Variants in ENTREP2 observed in about 807,000 individuals in gnomAD.
ENTREP2 encodes the protein endosomal transmembrane epsin interactor 2.
At chr15:29,395,787 G>A in the ENTREP2 span, among the ~76,000 whole-genome samples, 1 of 151,940 alleles carries the variant, frequency 6.6e-6, no homozygotes, top group African/African-American at 2.4e-5. Context: ...TCCTGCCTGG[G>A]CCTCGAAAAG....
chr15:29,536,603 C>CAAAA, the ENTREP2 span, among the ~76,000 whole-genome samples: 1 of 74,184 alleles, frequency 1.3e-5, no homozygotes, highest in Non-Finnish European at 2.9e-5. Flanking sequence ...GACTCTGTCT[C>CAAAA]AAAAAAAAAA....
chr15:29,550,180 A>G, the ENTREP2 span, among the ~76,000 whole-genome samples: 1 of 152,196 alleles, frequency 6.6e-6, no homozygotes, highest in Non-Finnish European at 1.5e-5. Context: ...AAAAGGCACA[A>G]GGTTCTTTAC....
At chr15:29,634,653 C>T in the ENTREP2 span, among the ~76,000 whole-genome samples, 1 of 152,188 alleles carries the variant, frequency 6.6e-6, no homozygotes, top group Non-Finnish European at 1.5e-5. Flanking sequence ...GGGCTCTGTG[C>T]CCAAGACTAC....
the ENTREP2 span, among the ~76,000 whole-genome samples, chr15:29,606,646 C>G: frequency 2.0e-5 from 3 of 151,952 alleles, no homozygotes; most frequent in Non-Finnish European, 4.4e-5. Flanking sequence ...TCAAAAAATC[C>G]TGGTAATAGT....
the ENTREP2 span, among the ~76,000 whole-genome samples, chr15:29,635,848 A>G: frequency 8.6e-4 from 131 of 152,304 alleles, 1 homozygote; most frequent in African/African-American, 2.9e-3. Context: ...TGAGGCAAGG[A>G]AAAGATTTGT....
the ENTREP2 span, among the ~76,000 whole-genome samples, chr15:29,532,526 C>T: frequency 2.0e-5 from 3 of 152,306 alleles, no homozygotes; most frequent in South Asian, 6.2e-4. Context: ...GCTGTTCTAG[C>T]ACCTACCAAG....
the ENTREP2 span, among the ~76,000 whole-genome samples, chr15:29,400,430 T>C: frequency 1.3e-5 from 2 of 152,204 alleles, no homozygotes; most frequent in African/African-American, 4.8e-5. Context: ...GGAGGGAAAT[T>C]CATTTTTTAA....
At chr15:29,217,735 C>T in the ENTREP2 span, among the ~76,000 whole-genome samples, 10,325 of 152,128 alleles carry the variant, frequency 0.068, 1,210 homozygotes, top group African/African-American at 0.24. Flanking sequence ...TAATAACTAA[C>T]CTCCTGAATT....
the ENTREP2 span, among the ~76,000 whole-genome samples, chr15:29,658,659 C>A: frequency 6.6e-6 from 1 of 150,994 alleles, no homozygotes; most frequent in Non-Finnish European, 1.5e-5. Flanking sequence ...TAAAAAAAAA[C>A]AATCTACTCA....
the ENTREP2 span, among the ~76,000 whole-genome samples, chr15:29,336,483 A>AT: frequency 1.3e-5 from 2 of 151,762 alleles, no homozygotes; most frequent in Non-Finnish European, 2.9e-5. Flanking sequence ...GCTAAATTTT[A>AT]TTTTTTTAGT....
At chr15:29,620,456 T>C in the ENTREP2 span, among the ~76,000 whole-genome samples, 5 of 151,968 alleles carry the variant, frequency 3.3e-5, no homozygotes. Context: ...GCTGCTGTTT[T>C]CCCCTCCACC....
At chr15:29,237,891 C>A in the ENTREP2 span, among the ~76,000 whole-genome samples, 4 of 152,090 alleles carry the variant, frequency 2.6e-5, no homozygotes, top group Non-Finnish European at 5.9e-5. Context: ...CACATAAAAA[C>A]TTGTATATAA....
At chr15:29,167,866 A>C in the ENTREP2 span, among the ~76,000 whole-genome samples, 1 of 152,224 alleles carries the variant, frequency 6.6e-6, no homozygotes, top group Non-Finnish European at 1.5e-5. Flanking sequence ...ATACTTGCAC[A>C]CGCATGTTTA....
At chr15:29,657,725 T>C in the ENTREP2 span, among the ~76,000 whole-genome samples, 1 of 152,118 alleles carries the variant, frequency 6.6e-6, no homozygotes, top group African/African-American at 2.4e-5. Flanking sequence ...TCCTGATTGG[T>C]GCATTTTACA....
At chr15:29,426,057 T>A in the ENTREP2 span, among the ~76,000 whole-genome samples, 1 of 151,054 alleles carries the variant, frequency 6.6e-6, no homozygotes, top group Non-Finnish European at 1.5e-5. Context: ...ATTATTTTAA[T>A]AATTAAATAA....
At chr15:29,416,166 C>CA in the ENTREP2 span, among the ~76,000 whole-genome samples, 1 of 151,958 alleles carries the variant, frequency 6.6e-6, no homozygotes, top group Non-Finnish European at 1.5e-5. Flanking sequence ...CATATGGAAC[C>CA]AAAAAAGAGC....
the ENTREP2 span, among the ~76,000 whole-genome samples, chr15:29,397,760 G>A: frequency 3.3e-5 from 5 of 152,190 alleles, no homozygotes; most frequent in East Asian, 5.8e-4. Context: ...AAACTTCTAC[G>A]TATGAAGATT....
At chr15:29,175,673 C>T in the ENTREP2 span, among the ~76,000 whole-genome samples, 5 of 152,198 alleles carry the variant, frequency 3.3e-5, no homozygotes, top group Non-Finnish European at 7.3e-5. Flanking sequence ...GGCACGATCT[C>T]GGCTCACAGC....
chr15:29,553,330 G>C, the ENTREP2 span, among the ~76,000 whole-genome samples: 4 of 152,242 alleles, frequency 2.6e-5, no homozygotes, highest in East Asian at 7.7e-4. Context: ...CTGTAAAGTT[G>C]TTAATTCTCC....
Sources: gnomAD v4.1 joint callset for allele counts (sites outside exome capture counted in the v4.1 genomes callset) on GRCh38, gnomAD v4.1.1 for gene constraint, MANE v1.5 for transcripts, NCBI Gene and HGNC (gene_info 2026-07-23, HGNC 2026-07-21) for gene names.